The following EGLN3 variants were observed in gnomAD, a reference collection of about 807,000 sequenced individuals.
EGLN3 encodes prolyl hydroxylase EGLN3.
In EGLN3, 15 loss-of-function variants were observed where a neutral mutation model predicts 26.0. The ratio of observed to expected loss-of-function variants is 0.58; its 90% CI spans 0.39 to 0.89. EGLN3 has a LOEUF of 0.89. EGLN3 is among the 40% of genes least tolerant of loss of function. EGLN3 has a pLI of 0.00. For synonymous variants in EGLN3, 147 were observed against 127.2 expected (o/e 1.16, Z -1.05); for missense variants, 238 against 311.6 (o/e 0.76, Z 1.78).
intron 1 of EGLN3, among the ~76,000 whole-genome samples, chr14:33,944,585 A>T (rs1169651040): frequency 6.6e-6 from 1 of 152,242 alleles, no homozygotes; most frequent in Non-Finnish European, 1.5e-5. Flanking sequence ...CATCCTGTAT[A>T]GTTTTGATCA....
chr14:33,926,847 A>G (rs927553230), intron 4 of EGLN3, 113 bp downstream of exon 4: 5 of 682,282 alleles, frequency 7.3e-6, no homozygotes, highest in Non-Finnish European at 1.1e-5. Flanking sequence ...ATGTCATTAT[A>G]TATAAAGCTA....
In EGLN3 at chr14:33,925,889, G is replaced by A. The variant is rs755475262; in HGVS notation, c.*2C>T. The A allele has an allele frequency of 5.0e-5, 81 of 1,613,870 alleles. No homozygotes were observed. The highest frequency in any genetic ancestry group is 6.6e-5 in the Non-Finnish European group (78 of 1,179,932). ...ACAAGGCCAGCAGATTTCAGAGCAC[G>A]GTCAGTCTTCAGTGAGGGCAGATTC... On this transcript the variant is annotated 3_prime_UTR_variant, in exon 5 of 5. Coordinates refer to ENST00000250457, the MANE Select transcript of EGLN3 (RefSeq NM_022073.4).
chr14:33,931,014 AAT>A, intron 2 of EGLN3, 80 bp downstream of exon 2: 1 of 1,573,650 alleles, frequency 6.4e-7, no homozygotes, highest in African/African-American at 1.4e-5. Flanking sequence ...CTATGAACTC[AAT>A]ATAAACTCTC....
Position 33,925,604 on chromosome 14 carries a change from C to A in EGLN3, c.*287G>T. ...CCTCGCTGTGCTCCTAGGCTCTTCTCTTGATAGTATTACCGAATCTATCAG... is the reference window on the plus strand; with the variant it reads ...CCTCGCTGTGCTCCTAGGCTCTTCTATTGATAGTATTACCGAATCTATCAG... On this transcript the variant is annotated 3_prime_UTR_variant, in exon 5 of 5. Coordinates refer to ENST00000250457, the MANE Select transcript of EGLN3 (RefSeq NM_022073.4). The A allele has an allele frequency of 2.3e-6, 1 of 428,582 alleles. No homozygotes were observed. The highest frequency in any genetic ancestry group is 4.3e-6 in the Non-Finnish European group (1 of 234,936). 26.5% of individuals were successfully genotyped at this position (428,582 alleles called of 1,614,324 possible). A position where few individuals can be genotyped will look rare whatever the true frequency, so the allele number is the denominator to read the frequency against.
intron 1 of EGLN3, among the ~76,000 whole-genome samples, chr14:33,941,791 C>T (rs2064485137): frequency 6.6e-6 from 1 of 152,096 alleles, no homozygotes; most frequent in Non-Finnish European, 1.5e-5. Context: ...TGAGCCACGA[C>T]AGAGTTCTGG....
intron 1 of EGLN3, 53 bp from the exon 2 acceptor site, chr14:33,931,268 C>G: frequency 1.9e-6 from 3 of 1,611,988 alleles, no homozygotes; most frequent in Non-Finnish European, 2.5e-6. Flanking sequence ...AGACAATCTT[C>G]TCCTCCCACT....
intron 1 of EGLN3, among the ~76,000 whole-genome samples, chr14:33,936,280 G>T (rs1005241306): frequency 7.0e-6 from 1 of 143,172 alleles, no homozygotes. Context: ...ATGAGACCAT[G>T]CACCTTCTTT....
At chr14:33,925,983 G>T (rs1221447910) in intron 4 of EGLN3, 61 bp from the exon 5 acceptor site, 7 of 1,532,052 alleles carry the variant, frequency 4.6e-6, no homozygotes, top group Non-Finnish European at 5.4e-6. Flanking sequence ...TGAGTTTTAT[G>T]TCACAAATGT....
At chr14:33,944,646 A>G (rs1594384636) in intron 1 of EGLN3, among the ~76,000 whole-genome samples, 1 of 152,238 alleles carries the variant, frequency 6.6e-6, no homozygotes, top group Non-Finnish European at 1.5e-5. Flanking sequence ...GAGAAAACCC[A>G]AAGAGAAACA....
At chr14:33,939,254 A>G (rs1026175785) in intron 1 of EGLN3, among the ~76,000 whole-genome samples, 3 of 150,770 alleles carry the variant, frequency 2.0e-5, no homozygotes, top group Admixed American at 1.3e-4. Context: ...TCTGTCACCC[A>G]GGCTGGAGTG....
Position 33,950,831 on chromosome 14 carries a change from C to A in EGLN3, c.-79G>T, listed in dbSNP as rs1401833330. ...GATCTACACGAGCGCGAAGCCGAGGCGCGGGGAGCGTGGCCCGGGGTTCAG... is the reference window on the plus strand; with the variant it reads ...GATCTACACGAGCGCGAAGCCGAGGAGCGGGGAGCGTGGCCCGGGGTTCAG... On this transcript the variant is annotated 5_prime_UTR_variant, in exon 1 of 5. Coordinates refer to ENST00000250457, the MANE Select transcript of EGLN3 (RefSeq NM_022073.4). 2 of 1,337,220 alleles carry A rather than the reference C, an allele frequency of 1.5e-6. No individual in the cohort carries two copies. The highest frequency in any genetic ancestry group is 2.1e-6 in the Non-Finnish European group (2 of 968,074). The allele number at this position is 1,337,220 out of a possible 1,614,324, so 82.8% of individuals were successfully genotyped here. A position where few individuals can be genotyped will look rare whatever the true frequency, so the allele number is the denominator to read the frequency against.
rs567498516 is a variant in EGLN3, at chr14:33,947,996, C to T, written c.357+2400G>A. ...CCAGGAGGCAGAGATTGCAGTGAGC[C>T]GCTACAGCCTGGCGACAGAGCAAGA... On this transcript the variant is annotated intron_variant, in intron 1 of 4. Transcript: ENST00000250457. 1.2e-4 allele frequency among the ~76,000 whole-genome samples: 19 copies of T among 152,076 alleles called. No individual in the cohort carries two copies. The South Asian group carries it at 2.3e-3, about 18-fold the overall frequency.
chr14:33,924,967 G>GAAAA lies in EGLN3; in HGVS notation c.*923_*924insTTTT, dbSNP rs1555343135. 1 of 80,924 alleles carries GAAAA rather than the reference G, an allele frequency of 1.2e-5. No individual in the cohort carries two copies. The highest frequency in any genetic ancestry group is 4.3e-4 in the East Asian group (1 of 2,314). 5.0% of individuals were successfully genotyped at this position (80,924 alleles called of 1,614,324 possible). ...AAAAAAAAAAAAAAAAAAAAAACAG[G>GAAAA]AACACCCACATTTCCAACTCCACCT... On this transcript the variant is annotated 3_prime_UTR_variant, in exon 5 of 5. Transcript: ENST00000250457.
intron 1 of EGLN3, among the ~76,000 whole-genome samples, chr14:33,937,198 A>G (rs1261393265): frequency 6.6e-6 from 1 of 152,256 alleles, no homozygotes; most frequent in African/African-American, 2.4e-5. Flanking sequence ...TGAACAAAAA[A>G]GGTCTCAATG....
At chr14:33,949,625 A>G (rs1185196592) in intron 1 of EGLN3, 1 of 152,214 alleles carries the variant, frequency 6.6e-6, no homozygotes, top group African/African-American at 2.4e-5. Context: ...CTGTGTTTCC[A>G]AGATAAATTA....
At chr14:33,940,791 G>A (rs1454860014) in intron 1 of EGLN3, among the ~76,000 whole-genome samples, 1 of 152,194 alleles carries the variant, frequency 6.6e-6, no homozygotes, top group African/African-American at 2.4e-5. Flanking sequence ...GGGTAGAGCA[G>A]TAATGAGGAG....
intron 1 of EGLN3, among the ~76,000 whole-genome samples, chr14:33,943,812 A>T (rs937189401): frequency 1.3e-5 from 2 of 152,214 alleles, no homozygotes; most frequent in Non-Finnish European, 2.9e-5. Flanking sequence ...ATAGGGTCAT[A>T]AAATGGAGGG....
intron 1 of EGLN3, among the ~76,000 whole-genome samples, chr14:33,940,614 A>G (rs1209271841): frequency 6.6e-6 from 1 of 152,168 alleles, no homozygotes; most frequent in Admixed American, 6.5e-5. Context: ...ATCTGCATTT[A>G]CTGCATGTTT....
chr14:33,935,216 A>T (rs987836140), intron 1 of EGLN3, among the ~76,000 whole-genome samples: 3 of 152,196 alleles, frequency 2.0e-5, no homozygotes, highest in Admixed American at 1.3e-4. Context: ...GGCCTGGCAC[A>T]CACTAAGTGC....
Sources: gnomAD v4.1 joint callset for allele counts (sites outside exome capture counted in the v4.1 genomes callset) on GRCh38, gnomAD v4.1.1 for gene constraint, MANE v1.5 for transcripts, NCBI Gene and HGNC (gene_info 2026-07-23, HGNC 2026-07-21) for gene names.